Variants in PLEKHG1 observed in about 807,000 individuals in gnomAD.
PLEKHG1 encodes the protein pleckstrin homology domain-containing family G member 1.
A neutral mutation model predicts 100.8 loss-of-function variants in PLEKHG1; 44 were observed. The observed-to-expected ratio is 0.44, with a 90% confidence interval of 0.34 to 0.56. The LOEUF is 0.56. PLEKHG1 is among the 20% of genes least tolerant of loss of function. The pLI, the probability that PLEKHG1 is intolerant of heterozygous loss-of-function variation, is 0.01. For synonymous variants in PLEKHG1, 640 were observed against 662.5 expected, an observed-to-expected ratio of 0.97 and a Z score of 0.52; for missense variants, 1,545 against 1,720.9, an observed-to-expected ratio of 0.90 and a Z score of 1.81.
At chr6:150,757,808 A>G (rs1311914820) in intron 2 of PLEKHG1, among the ~76,000 whole-genome samples, 1 of 152,180 alleles carries the variant, frequency 6.6e-6, no homozygotes. Context: ...TCACCCAGGT[A>G]TTAAGCCCAA....
At chr6:150,839,055 G>A (rs983052563) in intron 15 of PLEKHG1, among the ~76,000 whole-genome samples, 1 of 152,152 alleles carries the variant, frequency 6.6e-6, no homozygotes, top group African/African-American at 2.4e-5. Context: ...GACAAAAAAA[G>A]AATGATGGGA....
intron 2 of PLEKHG1, among the ~76,000 whole-genome samples, chr6:150,756,382 G>T (rs1309399165): frequency 1.3e-5 from 2 of 152,104 alleles, no homozygotes; most frequent in Non-Finnish European, 2.9e-5. Context: ...TATAGTCAGC[G>T]AGACAATCAG....
intron 14 of PLEKHG1, among the ~76,000 whole-genome samples, chr6:150,824,834 A>T (rs563186614): frequency 6.6e-6 from 1 of 152,252 alleles, no homozygotes; most frequent in East Asian, 1.9e-4. Context: ...CCGGCTGAAC[A>T]TAATCTTACC....
intron 1 of PLEKHG1, among the ~76,000 whole-genome samples, chr6:150,620,313 A>C (rs1246351400): frequency 1.3e-5 from 2 of 152,222 alleles, no homozygotes; most frequent in African/African-American, 4.8e-5. Flanking sequence ...GGGAGGCCTG[A>C]CAGCGTTTCT....
chr6:150,704,921 G>A (rs115068993), intron 3 of PLEKHG1, among the ~76,000 whole-genome samples: 2,354 of 152,266 alleles, frequency 0.015, 53 homozygotes, highest in African/African-American at 0.053. Flanking sequence ...AAGATCTCTC[G>A]TATTTCCTTC....
chr6:150,760,192 A>C (rs1784077081), intron 2 of PLEKHG1, among the ~76,000 whole-genome samples: 1 of 152,176 alleles, frequency 6.6e-6, no homozygotes, highest in Admixed American at 6.5e-5. Context: ...AAGATGAATC[A>C]GTTTCTTATT....
intron 15 of PLEKHG1, among the ~76,000 whole-genome samples, chr6:150,832,600 AT>A (rs1562565303): frequency 6.6e-6 from 1 of 152,040 alleles, no homozygotes; most frequent in Non-Finnish European, 1.5e-5. Flanking sequence ...TTGGAAGCAT[AT>A]AGAATAACAT....
intron 1 of PLEKHG1, among the ~76,000 whole-genome samples, chr6:150,618,466 C>T (rs1777155171): frequency 6.6e-6 from 1 of 152,206 alleles, no homozygotes; most frequent in African/African-American, 2.4e-5. Context: ...AATATTCCCA[C>T]TGTGGCTGAT....
chr6:150,804,658 C>T (rs780251912), exon 7 of PLEKHG1: 1 of 1,612,910 alleles, frequency 6.2e-7, no homozygotes, highest in Non-Finnish European at 8.5e-7. Context: ...TGATGTGGTG[C>T]TTGATGCTAT....
Position 150,636,292 on chromosome 6 carries a change from TAAA to T in PLEKHG1, c.-203-1780_-203-1778del, listed in dbSNP as rs60407695. ...ATTGTATGTAACTCATGACTTTTTT[TAAA>T]AAAAAAAGCTAGTGTAACACATGAC... is the stretch of plus-strand genomic sequence containing the variant. On this transcript the variant is annotated intron_variant, in intron 1 of 3. Transcript: ENST00000367326. Among the ~76,000 whole-genome samples, 116 of 150,288 alleles carry T rather than the reference TAAA, an allele frequency of 7.7e-4. 1 individual carries two copies. The highest frequency in any genetic ancestry group is 6.1e-3 in the Admixed American group (92 of 15,110).
intron 2 of PLEKHG1, among the ~76,000 whole-genome samples, chr6:150,767,772 G>A (rs764060860): frequency 1.3e-5 from 2 of 152,228 alleles, no homozygotes; most frequent in South Asian, 2.1e-4. Context: ...GCCATGTTAC[G>A]TTTGGGAGGG....
chr6:150,700,512 G>C (rs1780728864), intron 3 of PLEKHG1, among the ~76,000 whole-genome samples: 2 of 152,232 alleles, frequency 1.3e-5, no homozygotes, highest in Admixed American at 6.5e-5. Context: ...CCTCTTTCCA[G>C]GCTTCAGAGT....
intron 2 of PLEKHG1, among the ~76,000 whole-genome samples, chr6:150,735,966 G>C (rs566621842): frequency 6.6e-6 from 1 of 152,350 alleles, no homozygotes; most frequent in Admixed American, 6.5e-5. Flanking sequence ...TAAGTTCTAT[G>C]TGAAGCTGTC....
chr6:150,729,828 G>A (rs1465976994), intron 1 of PLEKHG1, among the ~76,000 whole-genome samples: 1 of 152,068 alleles, frequency 6.6e-6, no homozygotes, highest in Non-Finnish European at 1.5e-5. Flanking sequence ...TCCCCGCAGC[G>A]GTGCCCCCTC....
intron 3 of PLEKHG1, among the ~76,000 whole-genome samples, chr6:150,673,523 C>T (rs1779642902): frequency 6.6e-6 from 1 of 152,232 alleles, no homozygotes; most frequent in South Asian, 2.1e-4. Flanking sequence ...GCATTGTGTA[C>T]ACTTGTAGTC....
chr6:150,693,179 T>C (rs1019218197), intron 3 of PLEKHG1, among the ~76,000 whole-genome samples: 1 of 152,072 alleles, frequency 6.6e-6, no homozygotes, highest in African/African-American at 2.4e-5. Context: ...TCCCAGCTAC[T>C]CGGGAGGCTG....
intron 1 of PLEKHG1, among the ~76,000 whole-genome samples, chr6:150,622,960 A>G (rs546022102): frequency 1.3e-5 from 2 of 152,058 alleles, no homozygotes; most frequent in South Asian, 4.2e-4. Flanking sequence ...AGTCTATTAG[A>G]GAAGAGGGGA....
At chr6:150,746,870 A>C (rs1783192786) in intron 2 of PLEKHG1, among the ~76,000 whole-genome samples, 1 of 152,228 alleles carries the variant, frequency 6.6e-6, no homozygotes, top group South Asian at 2.1e-4. Flanking sequence ...ATTTTCATGG[A>C]CATAACTAGG....
intron 3 of PLEKHG1, among the ~76,000 whole-genome samples, chr6:150,666,413 C>T (rs1467367653): frequency 6.6e-6 from 1 of 152,190 alleles, no homozygotes; most frequent in African/African-American, 2.4e-5. Context: ...CCTGTCACTT[C>T]CCCATCCCAC....
Sources: allele counts gnomAD v4.1 joint callset (sites outside exome capture counted in the v4.1 genomes callset), GRCh38; gene constraint gnomAD v4.1.1; transcripts MANE v1.5; gene names NCBI Gene and HGNC (gene_info 2026-07-23, HGNC 2026-07-21).